IL3RA: variants seen among roughly 807,000 people sequenced by gnomAD.
IL3RA encodes interleukin-3 receptor subunit alpha.
Under a neutral mutation model 52.3 loss-of-function variants are expected in IL3RA, and 73 were observed. That is an observed-to-expected ratio of 1.40 (90% CI 1.16 to 1.70). The LOEUF (loss-of-function observed/expected upper bound fraction) is 1.70. Among genes scored for constraint, IL3RA ranks in the 40% most tolerant of loss-of-function variants. IL3RA has a pLI of 0.00. For synonymous variants in IL3RA, 260 were observed against 194.0 expected (o/e 1.34, Z -2.83); for missense variants, 664 against 504.4 (o/e 1.32, Z -3.03).
intron 11 of IL3RA, among the ~76,000 whole-genome samples, chrX:1,381,378 C>A (rs1285617815): frequency 1.3e-5 from 2 of 152,042 alleles, no homozygotes; most frequent in Non-Finnish European, 2.9e-5. Context: ...ATCTGGGCGA[C>A]AAGAGTGAAA....
At chrX:1,361,500 A>C (rs2087357904) in intron 8 of IL3RA, among the ~76,000 whole-genome samples, 1 of 152,068 alleles carries the variant, frequency 6.6e-6, no homozygotes, top group South Asian at 2.1e-4. Flanking sequence ...GCCTGTAATC[A>C]CAGCACCTTG....
intron 1 of IL3RA, among the ~76,000 whole-genome samples, chrX:1,341,420 G>A (rs1289460007): frequency 6.6e-6 from 1 of 152,162 alleles, no homozygotes; most frequent in African/African-American, 2.4e-5. Flanking sequence ...GTACCCGTGT[G>A]TGCACAGGCA....
At chrX:1,362,222 A>T (rs1253450173) in intron 8 of IL3RA, among the ~76,000 whole-genome samples, 1 of 147,098 alleles carries the variant, frequency 6.8e-6, no homozygotes, top group Non-Finnish European at 1.5e-5. Context: ...CTCTCTGTCC[A>T]TCACCCACTC....
chrX:1,344,966 T>C (rs1335230687), intron 2 of IL3RA, among the ~76,000 whole-genome samples: 1 of 144,654 alleles, frequency 6.9e-6, no homozygotes, highest in African/African-American at 2.6e-5. Flanking sequence ...ATCGAGACCA[T>C]CCTGGCTAAC....
At position 1,348,462 on chromosome X, in the gene IL3RA, C is replaced by T; in HGVS notation, c.215C>T (p.Ala72Val). Reference sequence around the variant, plus strand: ...AACAATAGCTATTGCCAGTTTGGAGCAATTTCCTTATGTGAAGTGACCAAC... The same window carrying T: ...AACAATAGCTATTGCCAGTTTGGAGTAATTTCCTTATGTGAAGTGACCAAC... ...AVNNSYCQFG[A>V]ISLCEVTNYT... The change falls in exon 4 of 12, where the codon GCA becomes GTA. Residue 72 changes from alanine to valine, a missense_variant. Ala to Val is a moderately conservative substitution (Grantham distance 64). Transcript: ENST00000331035. 6.2e-7 allele frequency: 1 copy of T among 1,613,846 alleles called. No individual in the cohort carries two copies. The highest frequency in any genetic ancestry group is 8.5e-7 in the Non-Finnish European group (1 of 1,179,800).
At chrX:1,359,368 G>A (rs2033677513) in intron 8 of IL3RA, among the ~76,000 whole-genome samples, 1 of 152,120 alleles carries the variant, frequency 6.6e-6, no homozygotes, top group Admixed American at 6.6e-5. Flanking sequence ...GGGATCTGCA[G>A]GAACAGACAG....
rs771115440 is a variant in IL3RA at position 1,382,398 on chromosome X, G to A, written c.1070G>A (p.Trp357Ter). 5.0e-6 allele frequency: 8 copies of A among 1,613,614 alleles called. No individual in the cohort carries two copies. The highest frequency in any genetic ancestry group is 5.1e-6 in the Non-Finnish European group (6 of 1,179,678). Reference protein sequence around the residue: ...DSFQNDKLVVWEAGKAGLEEC... With the variant: ...DSFQNDKLVV ...CTCCTCTCGTCTCTGCAGGTGGTCT[G>A]GGAGGCGGGCAAAGCCGGCCTGGAG... is the stretch of plus-strand genomic sequence containing the variant. Residue 357 changes from tryptophan (W) to a stop codon, truncating the protein, a stop_gained, in exon 12 of 12, where the codon TGG becomes TAG. Coordinates refer to ENST00000331035, the MANE Select transcript of IL3RA (RefSeq NM_002183.4). LOFTEE classifies it high-confidence loss of function.
intron 7 of IL3RA, among the ~76,000 whole-genome samples, chrX:1,358,094 G>A (rs1365345582): frequency 6.6e-6 from 1 of 150,834 alleles, no homozygotes; most frequent in Non-Finnish European, 1.5e-5. Context: ...AACAGAGTGA[G>A]ACTCCGTCTC....
rs1336516212 is a variant in IL3RA, at chrX:1,365,265, T to TGCGGGGTGCGCGGGGTGAGCGGGGTGA, written c.874+40_874+66dup. The stretch of plus-strand genomic sequence containing the variant: ...CCCCAGCGCTTCGGTGAGTGGGCTG[T>TGCGGGGTGCGCGGGGTGAGCGGGGTGA]GCGGGGTGCGCGGGGTGAGCGGGGT... On this transcript the variant is annotated intron_variant, in intron 9 of 11. Coordinates refer to ENST00000331035, the MANE Select transcript of IL3RA (RefSeq NM_002183.4). The TGCGGGGTGCGCGGGGTGAGCGGGGTGA allele has an allele frequency of 5.4e-6, 8 of 1,488,028 alleles. No homozygotes were observed. Among genetic ancestry groups the TGCGGGGTGCGCGGGGTGAGCGGGGTGA allele is most frequent in the East Asian group, 5.3e-5 (2 of 37,478 alleles). 92.2% of individuals were successfully genotyped at this position (1,488,028 alleles called of 1,614,324 possible).
chrX:1,345,564 T>A (rs1255723451), intron 3 of IL3RA, 130 bp downstream of exon 3: 17 of 509,748 alleles, frequency 3.3e-5, no homozygotes, highest in African/African-American at 4.0e-5. Context: ...ATCTCCGCTC[T>A]CTGCAACCTC....
rs747572849 is a variant in IL3RA, at chrX:1,368,784, C to T, written c.874+3532C>T. ...ACCAGCACTGCCCACACCTGGATCT[C>T]AGACCTCCAGCCTCCAGGGCTGTGG... On this transcript the variant is annotated intron_variant, in intron 9 of 11. Transcript: ENST00000331035. 7.8e-4 allele frequency among the ~76,000 whole-genome samples: 104 copies of T among 133,682 alleles called. 1 individual carries two copies. Among genetic ancestry groups the T allele is most frequent in the African/African-American group, 2.6e-3 (87 of 33,406 alleles). 87.7% of individuals were successfully genotyped at this position (133,682 alleles called of 152,430 possible).
intron 1 of IL3RA, among the ~76,000 whole-genome samples, chrX:1,341,525 C>T (rs2085492586): frequency 7.9e-6 from 1 of 126,488 alleles, no homozygotes; most frequent in Non-Finnish European, 1.7e-5. Context: ...TTCGTGCACA[C>T]ATGTAGAAGC....
chrX:1,339,652 T>C (rs1435549161), intron 1 of IL3RA, among the ~76,000 whole-genome samples: 1 of 151,760 alleles, frequency 6.6e-6, no homozygotes, highest in Admixed American at 6.6e-5. Context: ...ATTAGCTGGG[T>C]GTGGTGGCGG....
At chrX:1,337,178 C>T (rs2085350559) in intron 1 of IL3RA, among the ~76,000 whole-genome samples, 1 of 152,156 alleles carries the variant, frequency 6.6e-6, no homozygotes, top group African/African-American at 2.4e-5. Context: ...TGTTAGATGC[C>T]TTGGGTTTAT....
At chrX:1,363,209 G>T (rs138567105) in intron 8 of IL3RA, among the ~76,000 whole-genome samples, 1,953 of 152,196 alleles carry the variant, frequency 0.013, 42 homozygotes, top group African/African-American at 0.045. Flanking sequence ...CCATTGTAAG[G>T]TGCTGGGGGC....
intron 6 of IL3RA, among the ~76,000 whole-genome samples, chrX:1,354,331 C>G (rs1464769312): frequency 6.6e-6 from 1 of 152,002 alleles, no homozygotes; most frequent in Non-Finnish European, 1.5e-5. Context: ...TACCCGAGCT[C>G]CGAGGAACCT....
chrX:1,362,327 C>CT (rs2087495127), intron 8 of IL3RA, among the ~76,000 whole-genome samples: 6 of 151,072 alleles, frequency 4.0e-5, no homozygotes, highest in Non-Finnish European at 8.8e-5. Flanking sequence ...CTCCGTCTCT[C>CT]CCTGTCTGTT....
rs1245439353 is a variant in IL3RA at position 1,348,660 on chromosome X, TTCTTTC to T, written c.298+117_298+122del. The stretch of plus-strand genomic sequence containing the variant: ...TTTCTTTTTCTCTTTCTTTCTTTCT[TTCTTTC>T]TTTCTTTCTTTCTTTCTTTCTTTCT... On this transcript the variant is annotated intron_variant, in intron 4 of 11. Coordinates refer to ENST00000331035, the MANE Select transcript of IL3RA (RefSeq NM_002183.4). 216 of 434,956 alleles carry T rather than the reference TTCTTTC, an allele frequency of 5.0e-4. 1 individual carries two copies. The highest frequency in any genetic ancestry group is 7.4e-4 in the African/African-American group (15 of 20,232). The allele number at this position is 434,956 out of a possible 1,614,324, so 26.9% of individuals were successfully genotyped here.
rs759087750 is a variant in IL3RA at position 1,378,682 on chromosome X, AAC to A, written c.903_904del (p.Arg302CysfsTer45). ...RFECDQEEGA[N>X]TRAWRTSLLI... ...AGAGTGCGACCAGGAGGAGGGCGCA[AAC>A]ACACGTGCCTGGCGGACGTCGCTGC... On this transcript the variant is annotated frameshift_variant, in exon 10 of 12. Coordinates refer to ENST00000331035, the MANE Select transcript of IL3RA (RefSeq NM_002183.4). LOFTEE classifies it high-confidence loss of function. 1 of 1,612,674 alleles carries A rather than the reference AAC, an allele frequency of 6.2e-7. No homozygotes were observed. Among genetic ancestry groups the A allele is most frequent in the African/African-American group, 1.3e-5 (1 of 75,020 alleles).
Sources: gnomAD v4.1 joint callset for allele counts (sites outside exome capture counted in the v4.1 genomes callset) on GRCh38, gnomAD v4.1.1 for gene constraint, MANE v1.5 for transcripts, NCBI Gene and HGNC (gene_info 2026-07-23, HGNC 2026-07-21) for gene names.